CALML4: variants seen among roughly 807,000 people sequenced by gnomAD.
CALML4 encodes calmodulin like 4, also known as calmodulin-like protein 4.
In CALML4, 16 loss-of-function variants were observed where a neutral mutation model predicts 17.9. That is an observed-to-expected ratio of 0.89 (90% CI 0.61 to 1.36). The LOEUF (loss-of-function observed/expected upper bound fraction) is 1.36. Ranked by LOEUF, CALML4 falls within the 40% of genes most tolerant of loss-of-function variation. CALML4 has a pLI of 0.00. For missense variants in CALML4, 203 were observed against 194.8 expected (o/e 1.04, Z -0.25); for synonymous variants, 86 against 71.5 (o/e 1.20, Z -1.02).
chr15:68,199,646 G>A lies in CALML4; in HGVS notation c.70C>T (p.Gln24Ter). The change falls in exon 3 of 5, where the codon CAG becomes TAG. Residue 24 changes from glutamine to a stop codon, truncating the protein, a stop_gained. Coordinates refer to ENST00000467889, the MANE Select transcript of CALML4 (RefSeq NM_033429.3). LOFTEE classifies it high-confidence loss of function. The stretch of plus-strand genomic sequence containing the variant: ...TCGGTGGCTTTTATCTTCCCCCTCT[G>A]CTGCTTGTCATACAGGGAGAAGCAT... ...KECFSLYDKQ[Q>*]RGKIKATDLM... is the part of the protein sequence containing the mutation. The A allele has an allele frequency of 1.2e-6, 2 of 1,613,330 alleles. No homozygotes were observed. The highest frequency in any genetic ancestry group is 1.1e-5 in the South Asian group (1 of 91,040).
rs1482402382 is a variant in CALML4, at chr15:68,191,961, T to C, written c.*2054A>G. On this transcript the variant is annotated 3_prime_UTR_variant, in exon 5 of 5. Coordinates refer to ENST00000467889, the MANE Select transcript of CALML4 (RefSeq NM_033429.3). ...CCAACTGTGTGTTTTTGGCAAGTTA[T>C]ATTTCAGATTCCTGTTAGGCAAATG... 1 of 152,248 alleles carries C rather than the reference T, an allele frequency of 6.6e-6. No homozygotes were observed. Among genetic ancestry groups the C allele is most frequent in the African/African-American group, 2.4e-5 (1 of 41,468 alleles). The allele number at this position is 152,248 out of a possible 1,614,324, so 9.4% of individuals were successfully genotyped here.
In CALML4 at chr15:68,193,590, C is replaced by G. The variant is rs2093130217; in HGVS notation, c.*425G>C. 6.2e-6 allele frequency: 1 copy of G among 161,086 alleles called. No homozygotes were observed. The highest frequency in any genetic ancestry group is 2.4e-5 in the African/African-American group (1 of 41,668). The allele number at this position is 161,086 out of a possible 1,614,324, so 10.0% of individuals were successfully genotyped here. ...TAGCCCCCAAATACAGAATAAGTCT[C>G]TTGGTAGATTGCCCTTAAGTCATCA... On this transcript the variant is annotated 3_prime_UTR_variant, in exon 5 of 5. Transcript: ENST00000467889.
At chr15:68,195,478 C>G (rs1567088936) in intron 4 of CALML4, among the ~76,000 whole-genome samples, 1 of 152,156 alleles carries the variant, frequency 6.6e-6, no homozygotes, top group Non-Finnish European at 1.5e-5. Context: ...AGCTCCAGGG[C>G]CAGTCACTGC....
chr15:68,198,352 C>G (rs1225169460), intron 3 of CALML4: 1 of 152,278 alleles, frequency 6.6e-6, no homozygotes, highest in Non-Finnish European at 1.5e-5. Context: ...CAGGCATCCT[C>G]TAGTGGGGCC....
At chr15:68,201,025 C>A (rs1357890318) in intron 2 of CALML4, among the ~76,000 whole-genome samples, 1 of 151,840 alleles carries the variant, frequency 6.6e-6, no homozygotes, top group Non-Finnish European at 1.5e-5. Context: ...AGGAGCCCCC[C>A]AAATCCCCAG....
chr15:68,205,386 G>GC, upstream of CALML4: 1 of 1,613,462 alleles, frequency 6.2e-7, no homozygotes, highest in Non-Finnish European at 8.5e-7. This position sits in a 1 kb window ranked among gnomAD's most constrained non-coding sequence, Gnocchi z 4.8. Flanking sequence ...TGGAGACTGG[G>GC]CCCGACGCCA....
Position 68,200,510 on chromosome 15 carries a change from GC to G in CALML4, c.35-830del, listed in dbSNP as rs2093162140. On this transcript the variant is annotated intron_variant, in intron 2 of 4. Coordinates refer to ENST00000467889, the MANE Select transcript of CALML4 (RefSeq NM_033429.3). This position sits in a 1 kb window ranked among gnomAD's most constrained non-coding sequence, Gnocchi z 4.3. ...GACACAGCCATCCCACGGGCTCCCG[GC>G]CCTGGGAGGCCCAGGAAGGCCAGCT... Among the ~76,000 whole-genome samples, 1 of 152,224 alleles carries G rather than the reference GC, an allele frequency of 6.6e-6. No homozygotes were observed. The highest frequency in any genetic ancestry group is 1.5e-5 in the Non-Finnish European group (1 of 68,046).
rs150054611 is a variant in CALML4 at position 68,205,263 on chromosome 15, G to T, written c.-16C>A. The T allele has an allele frequency of 6.2e-7, 1 of 1,614,020 alleles. No individual in the cohort carries two copies. Among genetic ancestry groups the T allele is most frequent in the African/African-American group, 1.3e-5 (1 of 74,906 alleles). On this transcript the variant is annotated 5_prime_UTR_variant, in exon 1 of 5. Transcript: ENST00000467889. This position sits in a 1 kb window ranked among gnomAD's most constrained non-coding sequence, Gnocchi z 4.8. ...CACTCACCATTCTGGGGCCTCGGCT[G>T]CTACCCGTGGGCTTGCTGCTCCCAG...
chr15:68,202,114 GTC>G (rs1399116396), intron 2 of CALML4, among the ~76,000 whole-genome samples: 1 of 152,200 alleles, frequency 6.6e-6, no homozygotes, highest in Non-Finnish European at 1.5e-5. Context: ...TCCCCTTTAA[GTC>G]TTCTCTTTGA....
intron 4 of CALML4, among the ~76,000 whole-genome samples, chr15:68,194,741 C>G (rs1217416550): frequency 6.6e-6 from 1 of 151,920 alleles, no homozygotes; most frequent in Non-Finnish European, 1.5e-5. Context: ...GCCCATATTT[C>G]TAGAATCCTT....
rs1266674971 is a variant in CALML4 at position 68,204,364 on chromosome 15, G to A, written c.34+757C>T. 1.3e-5 allele frequency among the ~76,000 whole-genome samples: 2 copies of A among 152,162 alleles called. No individual in the cohort carries two copies. The highest frequency in any genetic ancestry group is 2.9e-5 in the Non-Finnish European group (2 of 68,036). ...CCTGGAGGAATGGGATGCCTCGGGG[G>A]ACTCTCAGGCCCATTGACGTCCACT... On this transcript the variant is annotated intron_variant, in intron 2 of 4. Coordinates refer to ENST00000467889, the MANE Select transcript of CALML4 (RefSeq NM_033429.3). The surrounding 1 kb of genome is among the most constrained non-coding windows in gnomAD (Gnocchi z 6.0).
chr15:68,205,575 G>A (rs1432118979), upstream of CALML4: 4 of 633,760 alleles, frequency 6.3e-6, no homozygotes, highest in Non-Finnish European at 1.1e-5. The surrounding 1 kb of genome is among the most constrained non-coding windows in gnomAD (Gnocchi z 4.8). Context: ...CTCCAGGAAG[G>A]GGTCTTCTCT....
chr15:68,205,652 G>T (rs1595814843), upstream of CALML4: 8 of 445,876 alleles, frequency 1.8e-5, no homozygotes, highest in South Asian at 1.8e-4. The surrounding 1 kb of genome is among the most constrained non-coding windows in gnomAD (Gnocchi z 4.8). Flanking sequence ...TACACCCCGG[G>T]TCGTATTGAA....
At chr15:68,194,689 T>C (rs891756976) in intron 4 of CALML4, among the ~76,000 whole-genome samples, 1 of 152,134 alleles carries the variant, frequency 6.6e-6, no homozygotes, top group African/African-American at 2.4e-5. Context: ...CGGCCCACCC[T>C]GTGCTTTTAT....
Position 68,193,398 on chromosome 15 carries a change from G to C in CALML4, c.*617C>G, listed in dbSNP as rs1480475554. Reference sequence around the variant, plus strand: ...TACACTCTGTGTTTATGAATGAATAGCCTGAGCTATGTCACTATATCTGTT... The same window carrying C: ...TACACTCTGTGTTTATGAATGAATACCCTGAGCTATGTCACTATATCTGTT... On this transcript the variant is annotated 3_prime_UTR_variant, in exon 5 of 5. Coordinates refer to ENST00000467889, the MANE Select transcript of CALML4 (RefSeq NM_033429.3). 6.6e-6 allele frequency: 1 copy of C among 152,458 alleles called. No individual in the cohort carries two copies. The highest frequency in any genetic ancestry group is 1.5e-5 in the Non-Finnish European group (1 of 68,244). 9.4% of individuals were successfully genotyped at this position (152,458 alleles called of 1,614,324 possible).
intron 2 of CALML4, among the ~76,000 whole-genome samples, chr15:68,203,452 T>C (rs750619645): frequency 6.6e-6 from 1 of 152,246 alleles, no homozygotes; most frequent in Non-Finnish European, 1.5e-5. Flanking sequence ...CAAATCTCCA[T>C]CTCCACTGAT....
At chr15:68,203,927 C>T (rs2093173658) in intron 2 of CALML4, among the ~76,000 whole-genome samples, 1 of 152,124 alleles carries the variant, frequency 6.6e-6, no homozygotes. Context: ...CTTTGGCTAT[C>T]CCAGGAGGGA....
rs1369809002 is a variant in CALML4 at position 68,200,369 on chromosome 15, T to C, written c.35-688A>G. Among the ~76,000 whole-genome samples, 3 of 152,194 alleles carry C rather than the reference T, an allele frequency of 2.0e-5. No individual in the cohort carries two copies. Among genetic ancestry groups the C allele is most frequent in the African/African-American group, 7.2e-5 (3 of 41,444 alleles). ...GGGCCCTGGTCCTGTTCTTAGAGAC[T>C]TCAAAGGGTCCTGCTGGGAAATTCT... On this transcript the variant is annotated intron_variant, in intron 2 of 4. Transcript: ENST00000467889. This position sits in a 1 kb window ranked among gnomAD's most constrained non-coding sequence, Gnocchi z 4.3.
intron 4 of CALML4, among the ~76,000 whole-genome samples, chr15:68,195,690 G>A (rs551244108): frequency 2.0e-5 from 3 of 152,218 alleles, no homozygotes; most frequent in Middle Eastern, 3.4e-3. Context: ...ATTGTCTTTC[G>A]ATCACCCAGA....
Sources: gnomAD v4.1 joint callset for allele counts (sites outside exome capture counted in the v4.1 genomes callset) on GRCh38, gnomAD v4.1.1 for gene constraint, Gnocchi (gnomAD v3.1) non-coding constraint, MANE v1.5 for transcripts, NCBI Gene and HGNC (gene_info 2026-07-23, HGNC 2026-07-21) for gene names.